Variants in RAPGEF1 observed in about 807,000 individuals in gnomAD.
RAPGEF1 encodes the protein Rap guanine nucleotide exchange factor 1.
Under a neutral mutation model 143.3 loss-of-function variants are expected in RAPGEF1, and 33 were observed. The ratio of observed to expected loss-of-function variants is 0.23; its 90% CI spans 0.17 to 0.31. The LOEUF (loss-of-function observed/expected upper bound fraction) is 0.31. RAPGEF1 is among the 10% of genes least tolerant of loss of function. RAPGEF1 has a pLI of 1.00. For missense variants in RAPGEF1, 1,199 were observed against 1,645.4 expected (o/e 0.73, Z 4.69); for synonymous variants, 629 against 676.5 (o/e 0.93, Z 1.09).
intron 16 of RAPGEF1, among the ~76,000 whole-genome samples, chr9:131,597,805 G>C (rs988854588): frequency 6.6e-6 from 1 of 152,110 alleles, no homozygotes; most frequent in Non-Finnish European, 1.5e-5. Flanking sequence ...CCCTGCCTCT[G>C]TCTCCCAGAC....
chr9:131,619,695 T>C (rs1333056138), intron 11 of RAPGEF1, among the ~76,000 whole-genome samples: 1 of 152,222 alleles, frequency 6.6e-6, no homozygotes, highest in Non-Finnish European at 1.5e-5. Flanking sequence ...AACCCTAGTG[T>C]CTCCTGTACA....
chr9:131,687,658 C>T (rs1306444064), intron 1 of RAPGEF1, among the ~76,000 whole-genome samples: 1 of 152,184 alleles, frequency 6.6e-6, no homozygotes, highest in East Asian at 1.9e-4. Flanking sequence ...CTTGTACAAC[C>T]AGCCTCCTGT....
At chr9:131,717,832 G>A (rs1835966993) in intron 1 of RAPGEF1, among the ~76,000 whole-genome samples, 2 of 151,568 alleles carry the variant, frequency 1.3e-5, no homozygotes, top group South Asian at 4.2e-4. Context: ...AGAAAGTGAT[G>A]CGCACCCTAT....
intron 5 of RAPGEF1, among the ~76,000 whole-genome samples, chr9:131,634,016 C>A (rs912642426): frequency 6.6e-6 from 1 of 152,186 alleles, no homozygotes; most frequent in African/African-American, 2.4e-5. Flanking sequence ...AATCCTAGCA[C>A]TTTGTGAGGC....
intron 4 of RAPGEF1, among the ~76,000 whole-genome samples, chr9:131,639,188 T>G (rs1967014690): frequency 6.6e-6 from 1 of 152,162 alleles, no homozygotes; most frequent in African/African-American, 2.4e-5. Context: ...TGTTAGCAAT[T>G]AGAATCAAAT....
chr9:131,632,179 A>G (rs1407565810), intron 5 of RAPGEF1, among the ~76,000 whole-genome samples: 3 of 150,294 alleles, frequency 2.0e-5, no homozygotes, highest in Non-Finnish European at 4.4e-5. Context: ...CCCAGGCTGG[A>G]GTGCAGTGGT....
chr9:131,581,138 C>A (rs1951801860), intron 25 of RAPGEF1, among the ~76,000 whole-genome samples: 1 of 151,102 alleles, frequency 6.6e-6, no homozygotes, highest in Admixed American at 6.6e-5. Context: ...AGAACTCCAG[C>A]CTGGGTAACA....
chr9:131,624,635 C>T (rs1214997047), intron 10 of RAPGEF1, among the ~76,000 whole-genome samples: 2 of 152,192 alleles, frequency 1.3e-5, no homozygotes, highest in Non-Finnish European at 2.9e-5. Context: ...AGGGGGTGAA[C>T]CTGAATGGCA....
Position 131,641,601 on chromosome 9 carries a change from T to G in RAPGEF1, c.494+1638A>C, listed in dbSNP as rs530977057. On this transcript the variant is annotated intron_variant, in intron 4 of 26. Coordinates refer to ENST00000683357, the MANE Select transcript of RAPGEF1 (RefSeq NM_001377935.1). This position sits in a 1 kb window ranked among gnomAD's most constrained non-coding sequence, Gnocchi z 4.6. ...TGATTTGTTTCAACTAGGCTTTAAC[T>G]ATTCCAAGGCAGAGACTACCACATG... Among the ~76,000 whole-genome samples the G allele has an allele frequency of 6.6e-6, 1 of 152,358 alleles. No individual in the cohort carries two copies. Among genetic ancestry groups the G allele is most frequent in the East Asian group, 1.9e-4 (1 of 5,184 alleles).
intron 1 of RAPGEF1, among the ~76,000 whole-genome samples, chr9:131,684,779 G>A (rs772479461): frequency 7.9e-5 from 12 of 152,318 alleles, no homozygotes; most frequent in South Asian, 2.1e-4. Context: ...ATCAACAGCC[G>A]ATTTGGATAC....
In RAPGEF1 at chr9:131,650,294, G is replaced by T; in HGVS notation, c.202-52C>A. On this transcript the variant is annotated intron_variant, in intron 2 of 26. Coordinates refer to ENST00000683357, the MANE Select transcript of RAPGEF1 (RefSeq NM_001377935.1). The surrounding 1 kb of genome is among the most constrained non-coding windows in gnomAD (Gnocchi z 4.7). ...ACAGAGTTTGAAATGGCTGTTTGAG[G>T]CCGAAGGGAGGGGTTGATGAAAGTC... 1 of 1,398,556 alleles carries T rather than the reference G, an allele frequency of 7.2e-7. No individual in the cohort carries two copies. The highest frequency in any genetic ancestry group is 1.0e-6 in the Non-Finnish European group (1 of 998,612). The allele number at this position is 1,398,556 out of a possible 1,614,324, so 86.6% of individuals were successfully genotyped here. A position where few individuals can be genotyped will look rare whatever the true frequency, so the allele number is the denominator to read the frequency against.
chr9:131,593,772 C>T (rs1315479889), intron 17 of RAPGEF1, among the ~76,000 whole-genome samples: 4 of 152,200 alleles, frequency 2.6e-5, no homozygotes, highest in African/African-American at 7.2e-5. Context: ...GCTCATTCCT[C>T]GGCCCCCACA....
At chr9:131,729,829 A>T (rs1215662439) in intron 1 of RAPGEF1, among the ~76,000 whole-genome samples, 5 of 152,214 alleles carry the variant, frequency 3.3e-5, no homozygotes, top group African/African-American at 1.2e-4. Flanking sequence ...TTCCCGGCAC[A>T]CAGGAAATAA....
intron 5 of RAPGEF1, among the ~76,000 whole-genome samples, chr9:131,632,129 C>G (rs62581416): frequency 4.7e-5 from 7 of 147,390 alleles, no homozygotes; most frequent in Admixed American, 1.4e-4. Flanking sequence ...GATTGAGACT[C>G]TCTCTTTTTT....
At position 131,579,491 on chromosome 9, in the gene RAPGEF1, C is replaced by A. The variant is rs550567089; in HGVS notation, c.*6G>T. ...CGAGCATTCTCCTGGATCCCGGCGT[C>A]TGCTCCTAGGTCTTCTCTTCCCGGT... On this transcript the variant is annotated 3_prime_UTR_variant, in exon 27 of 27. Transcript: ENST00000683357. 12 of 1,613,380 alleles carry A rather than the reference C, an allele frequency of 7.4e-6. No homozygotes were observed. The South Asian group carries it at 1.1e-4, about 15-fold the overall frequency.
Position 131,627,914 on chromosome 9 carries a change from T to C in RAPGEF1, c.1200A>G (p.Leu400=). ...QCSRNTSCET[L]DHYDPDYEFL... Reference sequence around the variant, plus strand: ...AACAGGAGGATGGTGGCGGCTCACCTAGTGTTTCACAGCTTGTGTTCCGGG... The same window carrying C: ...AACAGGAGGATGGTGGCGGCTCACCCAGTGTTTCACAGCTTGTGTTCCGGG... Residue 400 remains leucine (L), a splice_region_variant and synonymous_variant, in exon 9 of 27, where the codon CTA becomes CTG. Transcript: ENST00000683357. 6.3e-7 allele frequency: 1 copy of C among 1,579,312 alleles called. No homozygotes were observed. The highest frequency in any genetic ancestry group is 8.6e-7 in the Non-Finnish European group (1 of 1,162,978).
chr9:131,695,158 A>G (rs62583094), intron 1 of RAPGEF1, among the ~76,000 whole-genome samples: 34,946 of 152,114 alleles, frequency 0.23, 4,605 homozygotes, highest in Non-Finnish European at 0.3. Context: ...CACATGTCTA[A>G]TCAATGTTCA....
At chr9:131,719,906 A>G (rs905953030) in intron 1 of RAPGEF1, among the ~76,000 whole-genome samples, 4 of 140,602 alleles carry the variant, frequency 2.8e-5, no homozygotes, top group Non-Finnish European at 4.6e-5. Flanking sequence ...TTTTTTTGAG[A>G]CAAGAGTCTC....
chr9:131,727,862 C>G (rs1405996477), intron 1 of RAPGEF1, among the ~76,000 whole-genome samples: 1 of 152,172 alleles, frequency 6.6e-6, no homozygotes, highest in Non-Finnish European at 1.5e-5. Flanking sequence ...TGATCTATGC[C>G]TTTGGTCTTC....
Sources: allele counts gnomAD v4.1 joint callset (sites outside exome capture counted in the v4.1 genomes callset), GRCh38; gene constraint gnomAD v4.1.1; non-coding constraint Gnocchi (gnomAD v3.1); transcripts MANE v1.5; gene names NCBI Gene and HGNC (gene_info 2026-07-23, HGNC 2026-07-21).